CCDC7: variants seen among roughly 807,000 people sequenced by gnomAD.
CCDC7 encodes coiled-coil domain containing 7.
In CCDC7, 183 loss-of-function variants were observed where a neutral mutation model predicts 196.9. The observed-to-expected ratio is 0.93, with a 90% confidence interval of 0.82 to 1.05. The LOEUF (loss-of-function observed/expected upper bound fraction) is 1.05. Ranked by LOEUF, CCDC7 falls within the 50% of genes least tolerant of loss-of-function variation. CCDC7 has a pLI of 0.00. For missense variants in CCDC7, 1,540 were observed against 1,482.2 expected, an observed-to-expected ratio of 1.04 and a Z score of -0.64; for synonymous variants, 525 against 484.6, an observed-to-expected ratio of 1.08 and a Z score of -1.10.
intron 18 of CCDC7, among the ~76,000 whole-genome samples, chr10:32,619,881 G>A (rs1459657842): frequency 1.4e-5 from 2 of 142,858 alleles, no homozygotes; most frequent in East Asian, 4.5e-4. Flanking sequence ...TTACAGGCAT[G>A]AGCCACTGCT....
At chr10:32,817,448 C>A (rs2088979424) in intron 31 of CCDC7, among the ~76,000 whole-genome samples, 1 of 152,144 alleles carries the variant, frequency 6.6e-6, no homozygotes, top group Admixed American at 6.5e-5. Flanking sequence ...CCCAATCTAG[C>A]AAGGCAGGCC....
intron 28 of CCDC7, among the ~76,000 whole-genome samples, chr10:32,771,209 G>T (rs2134081913): frequency 6.6e-6 from 1 of 152,204 alleles, no homozygotes; most frequent in East Asian, 1.9e-4. Flanking sequence ...AGTGCATATT[G>T]TGCTTTTGTT....
intron 5 of CCDC7, among the ~76,000 whole-genome samples, chr10:32,463,690 G>C (rs985003522): frequency 2.0e-5 from 3 of 152,142 alleles, no homozygotes; most frequent in Non-Finnish European, 2.9e-5. Context: ...TGAAGCCCAG[G>C]CTTTTCAAAG....
At chr10:32,594,701 C>A (rs1043424357) in intron 18 of CCDC7, among the ~76,000 whole-genome samples, 1 of 152,074 alleles carries the variant, frequency 6.6e-6, no homozygotes, top group Admixed American at 6.6e-5. Context: ...ATAGATAGTT[C>A]TTATTGTTTC....
intron 9 of CCDC7, among the ~76,000 whole-genome samples, chr10:32,500,443 C>T (rs4348802): frequency 3.4e-5 from 5 of 146,696 alleles, no homozygotes; most frequent in African/African-American, 1.0e-4. Context: ...CTTCACATCT[C>T]GGAGGGGGCG....
At chr10:32,701,858 G>A (rs1341774411) in intron 24 of CCDC7, among the ~76,000 whole-genome samples, 2 of 152,034 alleles carry the variant, frequency 1.3e-5, no homozygotes, top group African/African-American at 4.8e-5. Context: ...GGGATCGGTG[G>A]TGATATCCCC....
chr10:32,802,738 G>A (rs1490629954), intron 29 of CCDC7, among the ~76,000 whole-genome samples: 1 of 152,210 alleles, frequency 6.6e-6, no homozygotes, highest in Non-Finnish European at 1.5e-5. Flanking sequence ...AGAGCCCCTG[G>A]AAAACTACTG....
chr10:32,681,738 T>C (rs1027362633), intron 21 of CCDC7, among the ~76,000 whole-genome samples: 49 of 137,630 alleles, frequency 3.6e-4, no homozygotes, highest in Admixed American at 5.8e-4. Context: ...TTTATATGTA[T>C]ACACACACAC....
chr10:32,832,165 A>G (rs572610924), intron 32 of CCDC7, among the ~76,000 whole-genome samples: 12 of 152,172 alleles, frequency 7.9e-5, no homozygotes, highest in Non-Finnish European at 1.8e-4. Flanking sequence ...ACCATACAAA[A>G]GTTAATTCTA....
chr10:32,718,789 TA>T (rs969175867), intron 25 of CCDC7, among the ~76,000 whole-genome samples: 26 of 151,444 alleles, frequency 1.7e-4, no homozygotes, highest in African/African-American at 5.3e-4. Context: ...ACAAAGAAAA[TA>T]AAATACCTAG....
intron 21 of CCDC7, among the ~76,000 whole-genome samples, chr10:32,677,461 AT>A (rs1293759550): frequency 1.3e-5 from 2 of 152,058 alleles, no homozygotes; most frequent in Non-Finnish European, 2.9e-5. Flanking sequence ...AAAAGTATCT[AT>A]GCTTAACTTT....
rs770495282 is a variant in CCDC7 at position 32,683,611 on chromosome 10, C to T, written c.2123-2359C>T. Among the ~76,000 whole-genome samples, 7 of 152,160 alleles carry T rather than the reference C, an allele frequency of 4.6e-5. No homozygotes were observed. The East Asian group carries it at 5.8e-4, about 13-fold the overall frequency. On this transcript the variant is annotated intron_variant, in intron 21 of 41. Transcript: ENST00000639629. ...TATTGATTCTTCCTGTCTATGAGCA[C>T]GGAATGTTTTTCCACTTCTTTGTGT...
At chr10:32,704,592 G>T (rs1476676528) in intron 24 of CCDC7, among the ~76,000 whole-genome samples, 1 of 152,110 alleles carries the variant, frequency 6.6e-6, no homozygotes, top group African/African-American at 2.4e-5. Context: ...GTTTGGGTAT[G>T]CCCTGCCCCC....
chr10:32,768,635 CGATGTTGGCTGTG>C (rs2078690160), intron 28 of CCDC7, among the ~76,000 whole-genome samples: 1 of 151,864 alleles, frequency 6.6e-6, no homozygotes. Flanking sequence ...GTGTTTAGTA[CGATGTTGGCTGTG>C]GGTTTGTCAT....
chr10:32,743,861 C>T (rs1302130445), intron 28 of CCDC7, among the ~76,000 whole-genome samples: 3 of 151,718 alleles, frequency 2.0e-5, no homozygotes, highest in East Asian at 3.9e-4. Context: ...AGCTGGAAAC[C>T]ATCATTCTCA....
chr10:32,559,740 C>G (rs1307354158), intron 13 of CCDC7, among the ~76,000 whole-genome samples: 1 of 152,114 alleles, frequency 6.6e-6, no homozygotes. Context: ...AGCAGAAAAA[C>G]TGGAAACTCT....
rs181600558 is a variant in CCDC7 at position 32,461,144 on chromosome 10, T to C, written c.457-1539T>C. ...GATATTTAAATGGTAAATACTGATA[T>C]TTTGAACTGTGTATGGATGCTCCTC... is the stretch of plus-strand genomic sequence containing the variant. On this transcript the variant is annotated intron_variant, in intron 3 of 41. Transcript: ENST00000639629. Among the ~76,000 whole-genome samples the C allele has an allele frequency of 1.5e-3, 233 of 152,286 alleles. 1 individual carries two copies. The highest frequency in any genetic ancestry group is 0.01 in the Middle Eastern group (3 of 294).
chr10:32,702,106 G>A (rs2078855562), intron 24 of CCDC7, among the ~76,000 whole-genome samples: 1 of 152,066 alleles, frequency 6.6e-6, no homozygotes, highest in South Asian at 2.1e-4. Context: ...TTTTAATTGT[G>A]ATGTTAGGGT....
At chr10:32,588,341 T>C (rs1252250606) in intron 18 of CCDC7, among the ~76,000 whole-genome samples, 2 of 152,126 alleles carry the variant, frequency 1.3e-5, no homozygotes, top group Non-Finnish European at 2.9e-5. Context: ...CATAATTTTG[T>C]GAGAGTGTTT....
Sources: allele counts gnomAD v4.1 joint callset (sites outside exome capture counted in the v4.1 genomes callset), GRCh38; gene constraint gnomAD v4.1.1; transcripts MANE v1.5; gene names NCBI Gene and HGNC (gene_info 2026-07-23, HGNC 2026-07-21).